Variants in SPOCK1 observed in about 807,000 individuals in gnomAD.
SPOCK1 encodes testican-1.
SPOCK1 carries 23 observed loss-of-function variants against 55.3 expected under a neutral mutation model. The ratio of observed to expected loss-of-function variants is 0.42; its 90% confidence interval spans 0.30 to 0.59. SPOCK1 has a LOEUF of 0.59. Ranked by LOEUF, SPOCK1 falls within the 20% of genes least tolerant of loss-of-function variation. The pLI is 0.22. For synonymous variants in SPOCK1, 226 were observed against 221.0 expected, an observed-to-expected ratio of 1.02 and a Z score of -0.20; for missense variants, 499 against 552.5, an observed-to-expected ratio of 0.90 and a Z score of 0.97.
intron 3 of SPOCK1, among the ~76,000 whole-genome samples, chr5:137,176,106 A>ATATAT (rs1279288338): frequency 2.0e-5 from 3 of 152,200 alleles, no homozygotes; most frequent in African/African-American, 7.2e-5. Context: ...TGACTGAATT[A>ATATAT]ATCTAAGGCA....
intron 4 of SPOCK1, among the ~76,000 whole-genome samples, chr5:137,136,106 T>C (rs956266387): frequency 6.6e-5 from 10 of 152,234 alleles, no homozygotes; most frequent in Non-Finnish European, 7.3e-5. Context: ...GTCTAATTTG[T>C]TGCTTTTCTT....
At chr5:137,057,336 G>C (rs1752320003) in intron 6 of SPOCK1, among the ~76,000 whole-genome samples, 1 of 152,148 alleles carries the variant, frequency 6.6e-6, no homozygotes, top group South Asian at 2.1e-4. Flanking sequence ...TCAGAATAAG[G>C]AGAGAGCTGG....
intron 6 of SPOCK1, among the ~76,000 whole-genome samples, chr5:137,063,489 A>G (rs1014152934): frequency 6.6e-6 from 1 of 152,116 alleles, no homozygotes; most frequent in African/African-American, 2.4e-5. Flanking sequence ...AACTCAAAAG[A>G]CCAAAGGCTG....
intron 2 of SPOCK1, among the ~76,000 whole-genome samples, chr5:137,434,670 T>A (rs1253211350): frequency 1.3e-5 from 2 of 151,568 alleles, no homozygotes; most frequent in East Asian, 3.9e-4. Context: ...CAGCTAATTT[T>A]TTTTTTATTT....
At chr5:137,046,904 T>C (rs1350771778) in intron 6 of SPOCK1, among the ~76,000 whole-genome samples, 2 of 21,966 alleles carry the variant, frequency 9.1e-5, no homozygotes, top group African/African-American at 1.9e-4. Context: ...AATCATGTGG[T>C]TTTTGTCTTT....
chr5:137,319,951 C>CAA (rs55836854), intron 2 of SPOCK1, among the ~76,000 whole-genome samples: 54 of 85,496 alleles, frequency 6.3e-4, no homozygotes, highest in South Asian at 1.7e-3. Context: ...GACTCCGTCT[C>CAA]AAAAAAAAAA....
At chr5:137,162,142 T>TC (rs927525030) in intron 3 of SPOCK1, among the ~76,000 whole-genome samples, 2 of 151,084 alleles carry the variant, frequency 1.3e-5, no homozygotes, top group African/African-American at 4.9e-5. Flanking sequence ...TTTTTTTTTT[T>TC]TTTTTTCCTC....
rs1404699909 is a variant in SPOCK1 at position 137,412,452 on chromosome 5, T to G, written c.186+85921A>C. Among the ~76,000 whole-genome samples, 5 of 152,188 alleles carry G rather than the reference T, an allele frequency of 3.3e-5. No homozygotes were observed. The East Asian group carries it at 9.6e-4, about 29-fold the overall frequency. ...ATGGGTAGATGTTTTCCAAGTAAAA[T>G]GTGTCACCTTGAAATGTCAGTGAAT... On this transcript the variant is annotated intron_variant, in intron 2 of 10. Coordinates refer to ENST00000394945, the MANE Select transcript of SPOCK1 (RefSeq NM_004598.4).
At chr5:137,022,622 C>T (rs915422667) in intron 6 of SPOCK1, among the ~76,000 whole-genome samples, 2 of 152,136 alleles carry the variant, frequency 1.3e-5, no homozygotes, top group Non-Finnish European at 2.9e-5. Context: ...TAAGTAGCTG[C>T]GTGCCTGGTT....
intron 2 of SPOCK1, among the ~76,000 whole-genome samples, chr5:137,296,358 C>G (rs1757479409): frequency 6.6e-6 from 1 of 152,198 alleles, no homozygotes; most frequent in Non-Finnish European, 1.5e-5. Flanking sequence ...AGCCCGCATT[C>G]AAACTCAGGA....
intron 3 of SPOCK1, among the ~76,000 whole-genome samples, chr5:137,235,487 C>T (rs1009819015): frequency 1.3e-5 from 2 of 152,202 alleles, no homozygotes; most frequent in Non-Finnish European, 2.9e-5. Flanking sequence ...ATCACAAGTG[C>T]TGACAAGAAA....
At chr5:137,313,396 A>C in intron 2 of SPOCK1, 2 of 985,240 alleles carry the variant, frequency 2.0e-6, no homozygotes, top group Non-Finnish European at 2.4e-6. Context: ...AGAAAAGTAA[A>C]GCCCAGCATT....
At chr5:136,988,822 G>C in intron 7 of SPOCK1, 179 bp from the exon 8 acceptor site, 1 of 531,164 alleles carries the variant, frequency 1.9e-6, no homozygotes, top group Non-Finnish European at 3.2e-6. Flanking sequence ...TTTTTGTTTT[G>C]TTTTTAAGTG....
intron 6 of SPOCK1, among the ~76,000 whole-genome samples, chr5:137,053,376 T>C (rs764628581): frequency 7.2e-5 from 11 of 151,828 alleles, no homozygotes; most frequent in Non-Finnish European, 1.6e-4. Context: ...CCATCTCTGG[T>C]CTCCTCCTCC....
intron 3 of SPOCK1, among the ~76,000 whole-genome samples, chr5:137,213,524 T>C (rs1282165812): frequency 6.6e-6 from 1 of 152,098 alleles, no homozygotes; most frequent in Non-Finnish European, 1.5e-5. Context: ...CAAACTCAAG[T>C]CACATTACAC....
At chr5:137,422,622 G>T (rs1361756138) in intron 2 of SPOCK1, among the ~76,000 whole-genome samples, 2 of 152,222 alleles carry the variant, frequency 1.3e-5, no homozygotes, top group Admixed American at 1.3e-4. Context: ...CCATGCCTTG[G>T]TTTTCAGCTC....
intron 3 of SPOCK1, among the ~76,000 whole-genome samples, chr5:137,231,034 C>T (rs1232437226): frequency 7.3e-6 from 1 of 136,618 alleles, no homozygotes; most frequent in Non-Finnish European, 1.6e-5. Context: ...CACAAGGATC[C>T]CTGGTGTTAC....
chr5:137,317,068 C>G (rs1757892123), intron 2 of SPOCK1, among the ~76,000 whole-genome samples: 1 of 152,186 alleles, frequency 6.6e-6, no homozygotes, highest in Non-Finnish European at 1.5e-5. Context: ...CCAAGGGCCT[C>G]TGGGCACAAC....
chr5:137,292,025 A>T (rs542932803), intron 2 of SPOCK1, among the ~76,000 whole-genome samples: 1 of 152,346 alleles, frequency 6.6e-6, no homozygotes, highest in South Asian at 2.1e-4. Context: ...ATCTCTGAGA[A>T]TAAATCCAAT....
Sources: gnomAD v4.1 joint callset for allele counts (sites outside exome capture counted in the v4.1 genomes callset) on GRCh38, gnomAD v4.1.1 for gene constraint, MANE v1.5 for transcripts, NCBI Gene and HGNC (gene_info 2026-07-23, HGNC 2026-07-21) for gene names.